ASIC2: variants seen among roughly 807,000 people sequenced by gnomAD.
The protein encoded by ASIC2 is acid sensing ion channel subunit 2.
A neutral mutation model predicts 57.3 loss-of-function variants in ASIC2; 25 were observed. The observed-to-expected ratio is 0.44, with a 90% CI of 0.32 to 0.61. The LOEUF is 0.61. Ranked by LOEUF, ASIC2 falls within the 20% of genes least tolerant of loss-of-function variation. ASIC2 has a pLI of 0.06. For synonymous variants in ASIC2, 319 were observed against 307.5 expected, an observed-to-expected ratio of 1.04 and a Z score of -0.39; for missense variants, 641 against 738.1, an observed-to-expected ratio of 0.87 and a Z score of 1.52.
chr17:33,564,804 G>A (rs1916182430), intron 1 of ASIC2, among the ~76,000 whole-genome samples: 1 of 146,892 alleles, frequency 6.8e-6, no homozygotes, highest in African/African-American at 2.6e-5. Context: ...GGAACACCTG[G>A]CCTGCCCAGG....
chr17:33,880,128 A>C (rs935218147), intron 1 of ASIC2, among the ~76,000 whole-genome samples: 14 of 152,148 alleles, frequency 9.2e-5, no homozygotes, highest in African/African-American at 1.9e-4. Flanking sequence ...AAATTTATAG[A>C]ACTAAATGCC....
chr17:33,690,745 T>G (rs972229143), intron 1 of ASIC2, among the ~76,000 whole-genome samples: 1 of 63,146 alleles, frequency 1.6e-5, no homozygotes, highest in Non-Finnish European at 2.8e-5. Flanking sequence ...TCTTCATTGT[T>G]TTTTTTTTTT....
chr17:33,179,501 C>G (rs1277230259), intron 1 of ASIC2, among the ~76,000 whole-genome samples: 1 of 152,136 alleles, frequency 6.6e-6, no homozygotes, highest in Non-Finnish European at 1.5e-5. Flanking sequence ...TTTGTTCATC[C>G]TCAGAACCTG....
Position 33,639,290 on chromosome 17 carries a change from CCAGA to C in ASIC2, c.555+516684_555+516687del, listed in dbSNP as rs548992249. On this transcript the variant is annotated intron_variant, in intron 1 of 9. Transcript: ENST00000359872. ...GGAAAATCATTATTGAGAAATGTGA[CCAGA>C]CAAAGAGATTTCATCCCCTCTCCTG... Among the ~76,000 whole-genome samples the C allele has an allele frequency of 4.6e-5, 7 of 152,198 alleles. No homozygotes were observed. In the East Asian group the frequency reaches 1.4e-3, roughly 30 times the overall value.
In ASIC2 at chr17:33,025,855, C is replaced by T. The variant is rs1487095954; in HGVS notation, c.1195+71G>A. ...TCTTCCACTTGATCTTTCCCCAAAC[C>T]CAGATGATTTCCATGATCTCAGTCT... On this transcript the variant is annotated intron_variant, in intron 5 of 9. Coordinates refer to ENST00000225823, the MANE Select transcript of ASIC2 (RefSeq NM_183377.2). 51 of 1,436,456 alleles carry T rather than the reference C, an allele frequency of 3.6e-5. No individual in the cohort carries two copies. In the East Asian group the frequency reaches 1.3e-3, roughly 35 times the overall value. The allele number at this position is 1,436,456 out of a possible 1,614,324, so 89.0% of individuals were successfully genotyped here.
At chr17:33,872,209 T>C (rs1292719464) in intron 1 of ASIC2, among the ~76,000 whole-genome samples, 2 of 152,102 alleles carry the variant, frequency 1.3e-5, no homozygotes, top group African/African-American at 4.8e-5. Context: ...CCTGAGAATC[T>C]TGGAGCTGAG....
intron 1 of ASIC2, among the ~76,000 whole-genome samples, chr17:33,544,037 T>C (rs370834139): frequency 5.3e-5 from 8 of 152,318 alleles, no homozygotes; most frequent in African/African-American, 1.9e-4. Context: ...ATCTGTTCCT[T>C]TCAACCCCAA....
chr17:33,315,146 C>T (rs774336385), intron 1 of ASIC2, among the ~76,000 whole-genome samples: 1 of 152,116 alleles, frequency 6.6e-6, no homozygotes, highest in Non-Finnish European at 1.5e-5. Flanking sequence ...AACTACCTTG[C>T]ATATTAGAGC....
intron 1 of ASIC2, among the ~76,000 whole-genome samples, chr17:33,748,960 C>G (rs371074202): frequency 1.3e-5 from 2 of 152,210 alleles, no homozygotes; most frequent in East Asian, 1.9e-4. Flanking sequence ...ACACAGGACA[C>G]GTGTCTGCAG....
At chr17:33,564,078 G>A (rs193101788) in intron 1 of ASIC2, among the ~76,000 whole-genome samples, 17 of 152,258 alleles carry the variant, frequency 1.1e-4, no homozygotes, top group Admixed American at 9.2e-4. Context: ...GGAGCACCGC[G>A]GCAGCCCCCC....
chr17:33,692,271 G>A (rs2142064336), intron 1 of ASIC2: 1 of 152,138 alleles, frequency 6.6e-6, no homozygotes, highest in East Asian at 1.9e-4. Context: ...CCTCTTCACA[G>A]GAACTACAAT....
intron 1 of ASIC2, among the ~76,000 whole-genome samples, chr17:33,834,947 A>G (rs1913228377): frequency 6.6e-6 from 1 of 152,154 alleles, no homozygotes; most frequent in African/African-American, 2.4e-5. Flanking sequence ...TAAAAGGAAA[A>G]GGGGGTAAAA....
At chr17:33,544,883 T>A (rs1386245345) in intron 1 of ASIC2, among the ~76,000 whole-genome samples, 1 of 152,040 alleles carries the variant, frequency 6.6e-6, no homozygotes, top group Non-Finnish European at 1.5e-5. Context: ...TATATTTTTG[T>A]CCCCCGGAGT....
rs910944974 is a variant in ASIC2, at chr17:33,813,701, C to A, written c.555+342277G>T. On this transcript the variant is annotated intron_variant, in intron 1 of 9. Transcript: ENST00000359872. ...TCCGCCCGCCTGGGCCTCCCAAAGTCCTGGGATTACAGGCGTGAGCCACTG... is the reference window on the plus strand; with the variant it reads ...TCCGCCCGCCTGGGCCTCCCAAAGTACTGGGATTACAGGCGTGAGCCACTG... Among the ~76,000 whole-genome samples the A allele has an allele frequency of 2.6e-5, 4 of 152,190 alleles. No homozygotes were observed. In the East Asian group the frequency reaches 7.7e-4, roughly 29 times the overall value.
intron 2 of ASIC2, among the ~76,000 whole-genome samples, chr17:33,102,270 T>C (rs1307484847): frequency 2.6e-5 from 4 of 152,182 alleles, no homozygotes; most frequent in African/African-American, 9.6e-5. Flanking sequence ...AAAGAAAGCG[T>C]CCCCCTCCAG....
At chr17:34,022,913 T>C (rs1006317006) in intron 1 of ASIC2, among the ~76,000 whole-genome samples, 1 of 152,144 alleles carries the variant, frequency 6.6e-6, no homozygotes, top group African/African-American at 2.4e-5. Context: ...TGGGGGCTCT[T>C]CTTATGATAG....
chr17:33,709,941 C>T (rs966739083), intron 1 of ASIC2, among the ~76,000 whole-genome samples: 8 of 152,200 alleles, frequency 5.3e-5, no homozygotes, highest in East Asian at 1.9e-4. Context: ...CTTATTATCA[C>T]GGCAGTATTT....
At chr17:33,550,678 G>A (rs553855625) in intron 1 of ASIC2, among the ~76,000 whole-genome samples, 4 of 152,214 alleles carry the variant, frequency 2.6e-5, no homozygotes, top group Admixed American at 1.3e-4. Flanking sequence ...ATCTAATGGA[G>A]AGAATATTAG....
At chr17:33,482,738 C>T (rs950725035) in intron 1 of ASIC2, among the ~76,000 whole-genome samples, 1 of 152,136 alleles carries the variant, frequency 6.6e-6, no homozygotes, top group Non-Finnish European at 1.5e-5. Context: ...TGTTCTGCAT[C>T]CTTTTCCCAC....
Sources: gnomAD v4.1 joint callset for allele counts (sites outside exome capture counted in the v4.1 genomes callset) on GRCh38, gnomAD v4.1.1 for gene constraint, MANE v1.5 for transcripts, NCBI Gene and HGNC (gene_info 2026-07-23, HGNC 2026-07-21) for gene names.